Variants in GINS2 observed in about 807,000 individuals in gnomAD.
GINS2 encodes the protein GINS complex subunit 2.
Under a neutral mutation model 21.2 loss-of-function variants are expected in GINS2, and 23 were observed. The ratio of observed to expected loss-of-function variants is 1.08; its 90% CI spans 0.78 to 1.53. The LOEUF is 1.53. Ranked by LOEUF, GINS2 falls within the 40% of genes most tolerant of loss-of-function variation. The pLI, the probability that GINS2 is intolerant of heterozygous loss-of-function variation, is 0.00. For missense variants in GINS2, 323 were observed against 233.9 expected, an observed-to-expected ratio of 1.38 and a Z score of -2.49; for synonymous variants, 118 against 85.6, an observed-to-expected ratio of 1.38 and a Z score of -2.09.
At chr16:85,688,095 G>C (rs2053793561) in intron 1 of GINS2, 1 of 152,802 alleles carries the variant, frequency 6.5e-6, no homozygotes, top group Middle Eastern at 3.4e-3. Flanking sequence ...TCGCGCCACT[G>C]CATTCCCGCC....
chr16:85,687,586 A>T lies in GINS2; in HGVS notation c.91-12T>A. ...GGCCCCAGGTCCCCCTGCCAAAAGT[A>T]AAACAATTCCCCGTAAGATTGAAAA... On this transcript the variant is annotated splice_polypyrimidine_tract_variant and intron_variant, in intron 1 of 4. Coordinates refer to ENST00000253462, the MANE Select transcript of GINS2 (RefSeq NM_016095.3). 6.9e-7 allele frequency: 1 copy of T among 1,448,274 alleles called. No individual in the cohort carries two copies. The allele number at this position is 1,448,274 out of a possible 1,614,324, so 89.7% of individuals were successfully genotyped here. A position where few individuals can be genotyped will look rare whatever the true frequency, so the allele number is the denominator to read the frequency against.
Position 85,687,512 on chromosome 16 carries a change from G to C in GINS2, c.153C>G (p.Asn51Lys). ...PVEVPLWLAI[N>K]LKQRQKCRLL... ...GGCGACATTTCTGTCTTTGTTTCAG[G>C]TTAATCGCCAGCCACAGGGGCACTT... is the stretch of plus-strand genomic sequence containing the variant. Residue 51 changes from asparagine (N) to lysine (K), a missense_variant, in exon 2 of 5, where the codon AAC becomes AAG. Transcript: ENST00000253462. 6.3e-7 allele frequency: 1 copy of C among 1,597,266 alleles called. No homozygotes were observed. Among genetic ancestry groups the C allele is most frequent in the Non-Finnish European group, 8.5e-7 (1 of 1,173,502 alleles).
intron 3 of GINS2, 110 bp from the exon 4 acceptor site, chr16:85,678,776 A>T: frequency 9.3e-7 from 1 of 1,069,570 alleles, no homozygotes. Context: ...AGACTCAGAA[A>T]GTCTGTTTTG....
intron 2 of GINS2, among the ~76,000 whole-genome samples, chr16:85,685,449 G>A (rs2152052535): frequency 6.6e-6 from 1 of 151,724 alleles, no homozygotes; most frequent in South Asian, 2.1e-4. Flanking sequence ...GATCACTGGA[G>A]CCCAGAAGTT....
intron 3 of GINS2, among the ~76,000 whole-genome samples, chr16:85,681,348 A>T (rs1276360998): frequency 1.3e-5 from 2 of 152,246 alleles, no homozygotes. Context: ...AGGAAAAATG[A>T]GAGACAGAGA....
chr16:85,677,300 C>T lies in GINS2; in HGVS notation c.*912G>A, dbSNP rs1217526496. ...AGGTCCTAACATTTCCAAAATGCTA[C>T]GAATAAAGTAATTTTCTCTTAGGAA... On this transcript the variant is annotated 3_prime_UTR_variant, in exon 5 of 5. Transcript: ENST00000253462. 6.6e-6 allele frequency: 1 copy of T among 152,130 alleles called. No homozygotes were observed. Among genetic ancestry groups the T allele is most frequent in the Non-Finnish European group, 1.5e-5 (1 of 68,028 alleles). The allele number at this position is 152,130 out of a possible 1,614,324, so 9.4% of individuals were successfully genotyped here. A position where few individuals can be genotyped will look rare whatever the true frequency, so the allele number is the denominator to read the frequency against.
chr16:85,682,936 C>T (rs1009479819), intron 2 of GINS2, among the ~76,000 whole-genome samples: 8 of 152,114 alleles, frequency 5.3e-5, no homozygotes, highest in Non-Finnish European at 8.8e-5. Context: ...TCACTGCCGC[C>T]AGCACCGCCT....
intron 3 of GINS2, among the ~76,000 whole-genome samples, chr16:85,680,888 A>G (rs765707961): frequency 6.6e-6 from 1 of 152,242 alleles, no homozygotes; most frequent in Non-Finnish European, 1.5e-5. Flanking sequence ...AGCACGCACT[A>G]GGCTGTACAC....
rs1007725831 is a variant in GINS2 at position 85,688,719 on chromosome 16, C to T, written c.90+90G>A. 1.3e-5 allele frequency: 8 copies of T among 633,714 alleles called. No homozygotes were observed. The Admixed American group carries it at 1.5e-4, about 12-fold the overall frequency. 39.3% of individuals were successfully genotyped at this position (633,714 alleles called of 1,614,324 possible). On this transcript the variant is annotated intron_variant, in intron 1 of 4. Coordinates refer to ENST00000253462, the MANE Select transcript of GINS2 (RefSeq NM_016095.3). ...GGCCTCCGCAGATGCGGGAGCAGGG[C>T]GAGCCCGCGACCCCGGGGCTGAAGG... is the stretch of plus-strand genomic sequence containing the variant.
intron 2 of GINS2, among the ~76,000 whole-genome samples, chr16:85,685,680 A>AAAAAAACAAAAAAAAAAAAACAAC (rs2053769689): frequency 1.4e-5 from 2 of 147,140 alleles, no homozygotes; most frequent in African/African-American, 5.2e-5. Context: ...CAAAAAAAAA[A>AAAAAAACAAAAAAAAAAAAACAAC]AAAAAAAAAA....
intron 2 of GINS2, among the ~76,000 whole-genome samples, chr16:85,683,175 A>G (rs2053748325): frequency 6.6e-6 from 1 of 152,018 alleles, no homozygotes; most frequent in African/African-American, 2.4e-5. Context: ...ATATAGCCTT[A>G]AAAAGAAGGC....
intron 2 of GINS2, among the ~76,000 whole-genome samples, chr16:85,685,557 G>A (rs2053767248): frequency 6.6e-6 from 1 of 150,964 alleles, no homozygotes; most frequent in Admixed American, 6.6e-5. Context: ...TGTAGTCTCA[G>A]CTACTCCGGA....
chr16:85,678,108 T>C lies in GINS2; in HGVS notation c.*104A>G. ...AATCCATTCCTTGCACCATCACACA[T>C]TTTTCATGCATCAGAAGTGTTTCTA... On this transcript the variant is annotated 3_prime_UTR_variant, in exon 5 of 5. Coordinates refer to ENST00000253462, the MANE Select transcript of GINS2 (RefSeq NM_016095.3). 7 of 981,756 alleles carry C rather than the reference T, an allele frequency of 7.1e-6. No homozygotes were observed. In the Admixed American group the frequency reaches 1.6e-4, roughly 22 times the overall value. The allele number at this position is 981,756 out of a possible 1,614,324, so 60.8% of individuals were successfully genotyped here. A position where few individuals can be genotyped will look rare whatever the true frequency, so the allele number is the denominator to read the frequency against.
chr16:85,683,555 G>A (rs1028979946), intron 2 of GINS2, among the ~76,000 whole-genome samples: 1 of 152,014 alleles, frequency 6.6e-6, no homozygotes, highest in Non-Finnish European at 1.5e-5. Flanking sequence ...CCCTCTCCTG[G>A]GCCTCCAGCC....
intron 1 of GINS2, 53 bp downstream of exon 1, chr16:85,688,756 C>T: frequency 8.6e-7 from 1 of 1,167,726 alleles, no homozygotes; most frequent in Non-Finnish European, 1.2e-6. Flanking sequence ...CACGCGGGAG[C>T]CCCGGACGCG....
rs750594476 is a variant in GINS2 at position 85,678,705 on chromosome 16, G to GAT, written c.306-41_306-40dup. 3.7e-5 allele frequency: 59 copies of GAT among 1,598,394 alleles called. 1 individual carries two copies. The highest frequency in any genetic ancestry group is 4.4e-5 in the Non-Finnish European group (52 of 1,168,968). ...GGCTAAAGTCAGTCGGGGAACACTT[G>GAT]ATAACCTGAGGCAATGCTGGATAGA... is the stretch of plus-strand genomic sequence containing the variant. On this transcript the variant is annotated intron_variant, in intron 3 of 4. Coordinates refer to ENST00000253462, the MANE Select transcript of GINS2 (RefSeq NM_016095.3).
intron 3 of GINS2, among the ~76,000 whole-genome samples, chr16:85,679,305 G>A (rs1216964476): frequency 6.6e-6 from 1 of 152,228 alleles, no homozygotes; most frequent in Non-Finnish European, 1.5e-5. Flanking sequence ...ATTCTGGCTA[G>A]AAGCTCAAAG....
intron 2 of GINS2, among the ~76,000 whole-genome samples, chr16:85,687,165 G>A (rs937858599): frequency 2.0e-5 from 3 of 152,262 alleles, no homozygotes; most frequent in Non-Finnish European, 4.4e-5. Context: ...AGGCTGCATT[G>A]AGCCGAGATT....
chr16:85,684,905 C>T (rs1390922517), intron 2 of GINS2, among the ~76,000 whole-genome samples: 1 of 152,014 alleles, frequency 6.6e-6, no homozygotes, highest in African/African-American at 2.4e-5. Context: ...CTCCCTGCCT[C>T]AGCCTCCCAA....
Sources: allele counts gnomAD v4.1 joint callset (sites outside exome capture counted in the v4.1 genomes callset), GRCh38; gene constraint gnomAD v4.1.1; transcripts MANE v1.5; gene names NCBI Gene and HGNC (gene_info 2026-07-23, HGNC 2026-07-21).